GSTO2: variants seen among roughly 807,000 people sequenced by gnomAD.
The protein encoded by GSTO2 is glutathione S-transferase omega-2.
A neutral mutation model predicts 28.4 loss-of-function variants in GSTO2; 23 were observed. The observed-to-expected ratio is 0.81, with a 90% confidence interval of 0.58 to 1.15. The LOEUF (loss-of-function observed/expected upper bound fraction) is 1.15. Ranked by LOEUF, GSTO2 falls within the 50% of genes most tolerant of loss-of-function variation. The pLI, the probability that GSTO2 is intolerant of heterozygous loss-of-function variation, is 0.00. For missense variants in GSTO2, 298 were observed against 297.8 expected (o/e 1.00, Z 0.00); for synonymous variants, 109 against 111.0 (o/e 0.98, Z 0.11).
intron 5 of GSTO2, chr10:104,285,925 A>G: frequency 5.8e-6 from 2 of 347,694 alleles, no homozygotes; most frequent in South Asian, 4.4e-5. Flanking sequence ...TTCTCCTTTG[A>G]TATCACCAGG....
In GSTO2 at chr10:104,300,742, T is replaced by A. The variant is rs1417332268; in HGVS notation, c.*1458T>A. 6.6e-6 allele frequency: 1 copy of A among 152,332 alleles called. No individual in the cohort carries two copies. The highest frequency in any genetic ancestry group is 1.5e-5 in the Non-Finnish European group (1 of 68,114). 9.4% of individuals were successfully genotyped at this position (152,332 alleles called of 1,614,324 possible). The stretch of plus-strand genomic sequence containing the variant: ...CTGGATCCTTTCCCATCCTCCTAGC[T>A]GTGCTGAGACACCAGGCAGCAACAG... On this transcript the variant is annotated 3_prime_UTR_variant, in exon 7 of 7. Transcript: ENST00000338595.
chr10:104,285,900 A>G (rs1028106223), intron 5 of GSTO2: 75 of 304,304 alleles, frequency 2.5e-4, no homozygotes, highest in Non-Finnish European at 4.4e-4. Context: ...AATTATTTAT[A>G]TATTGTTTAA....
intron 3 of GSTO2, among the ~76,000 whole-genome samples, chr10:104,276,258 A>G (rs894405079): frequency 2.0e-5 from 3 of 152,248 alleles, no homozygotes. Flanking sequence ...CTGTATTTCC[A>G]CATTCTTCCC....
intron 2 of GSTO2, 114 bp downstream of exon 2, chr10:104,275,063 G>C (rs1564842679): frequency 6.7e-7 from 1 of 1,493,280 alleles, no homozygotes; most frequent in Non-Finnish European, 8.9e-7. Context: ...AAGGGACTTG[G>C]AGGGCTCTCC....
At chr10:104,276,206 T>C (rs1448005239) in intron 3 of GSTO2, among the ~76,000 whole-genome samples, 1 of 152,236 alleles carries the variant, frequency 6.6e-6, no homozygotes, top group East Asian at 1.9e-4. Flanking sequence ...AGAGATGTTT[T>C]AAATAAAATT....
At chr10:104,296,246 T>C (rs1051913484) in intron 5 of GSTO2, 4 of 152,086 alleles carry the variant, frequency 2.6e-5, no homozygotes, top group Non-Finnish European at 5.9e-5. Context: ...GAAATTTTAT[T>C]TTAATGCATT....
intron 5 of GSTO2, among the ~76,000 whole-genome samples, chr10:104,286,530 G>C (rs2012432859): frequency 6.6e-6 from 1 of 152,200 alleles, no homozygotes; most frequent in South Asian, 2.1e-4. Context: ...TGAACACCAT[G>C]CAGGTTTTTG....
intron 5 of GSTO2, among the ~76,000 whole-genome samples, chr10:104,279,982 G>A (rs2011921926): frequency 6.6e-6 from 1 of 151,902 alleles, no homozygotes; most frequent in African/African-American, 2.4e-5. Context: ...AGGCAACATA[G>A]CAAGACCCCT....
chr10:104,282,954 G>A (rs1263878386), intron 5 of GSTO2, among the ~76,000 whole-genome samples: 2 of 152,206 alleles, frequency 1.3e-5, no homozygotes, highest in African/African-American at 2.4e-5. Flanking sequence ...CATTAGTGGG[G>A]TGGTGATAAA....
chr10:104,280,065 C>T (rs1564845632), intron 5 of GSTO2, among the ~76,000 whole-genome samples: 1 of 147,340 alleles, frequency 6.8e-6, no homozygotes. Context: ...ACTTAGGAGG[C>T]TGAGGCAGGA....
At chr10:104,277,007 C>T (rs1459993421) in intron 3 of GSTO2, among the ~76,000 whole-genome samples, 2 of 152,168 alleles carry the variant, frequency 1.3e-5, no homozygotes, top group South Asian at 2.1e-4. Context: ...ACACTTTATA[C>T]ATATCCCCAC....
chr10:104,282,421 G>A (rs1017430755), intron 5 of GSTO2, among the ~76,000 whole-genome samples: 4 of 151,718 alleles, frequency 2.6e-5, no homozygotes, highest in African/African-American at 9.7e-5. Context: ...TGGCATGGTG[G>A]CTTATGCCTG....
In GSTO2 at chr10:104,303,295, A is replaced by ACCTCAT. The variant is rs1323173524; in HGVS notation, c.*4011_*4012insCCTCAT. The ACCTCAT allele has an allele frequency of 6.6e-6, 1 of 152,250 alleles. No homozygotes were observed. The highest frequency in any genetic ancestry group is 1.5e-5 in the Non-Finnish European group (1 of 68,038). The allele number at this position is 152,250 out of a possible 1,614,324, so 9.4% of individuals were successfully genotyped here. A position where few individuals can be genotyped will look rare whatever the true frequency, so the allele number is the denominator to read the frequency against. On this transcript the variant is annotated 3_prime_UTR_variant, in exon 7 of 7. Coordinates refer to ENST00000338595, the MANE Select transcript of GSTO2 (RefSeq NM_183239.2). ...CCAAAATGCCAGTAGTGATATGGAC[A>ACCTCAT]GTGAAGGCCAGGCTGAGGAGGTGAT... is the stretch of plus-strand genomic sequence containing the variant.
chr10:104,283,110 A>G (rs1048019143), intron 5 of GSTO2, among the ~76,000 whole-genome samples: 13 of 152,228 alleles, frequency 8.5e-5, no homozygotes, highest in Non-Finnish European at 1.9e-4. Flanking sequence ...AGAGCTGGCA[A>G]AAGATGTGGG....
In GSTO2 at chr10:104,274,930, G is replaced by T. The variant is rs776318510; in HGVS notation, c.15G>T (p.Ala5=). MSGD[A]TRTLGKGSQP... is the part of the protein sequence containing the mutation. ...ACCTGGAGACCATGTCTGGGGATGC[G>T]ACCAGGACCCTGGGGAAAGGTGAGT... The change falls in exon 2 of 7, where the codon GCG becomes GCT. Residue 5 remains alanine, a synonymous_variant. Coordinates refer to ENST00000338595, the MANE Select transcript of GSTO2 (RefSeq NM_183239.2). 11 of 1,607,124 alleles carry T rather than the reference G, an allele frequency of 6.8e-6. No homozygotes were observed. The highest frequency in any genetic ancestry group is 8.5e-6 in the Non-Finnish European group (10 of 1,177,782).
intron 5 of GSTO2, among the ~76,000 whole-genome samples, chr10:104,289,880 A>C (rs2012671804): frequency 6.6e-6 from 1 of 152,232 alleles, no homozygotes; most frequent in Non-Finnish European, 1.5e-5. Flanking sequence ...AACTACAATG[A>C]GATATCATCT....
chr10:104,297,836 CAT>C (rs1453409558), intron 6 of GSTO2, 152 bp downstream of exon 6: 4 of 570,546 alleles, frequency 7.0e-6, no homozygotes, highest in South Asian at 2.2e-5. Context: ...TTGTTAAAAA[CAT>C]ATGTGCTTTT....
chr10:104,271,355 G>A (rs2011393727), intron 1 of GSTO2, among the ~76,000 whole-genome samples: 1 of 152,218 alleles, frequency 6.6e-6, no homozygotes, highest in East Asian at 1.9e-4. Flanking sequence ...AAATTGGAAT[G>A]CACTCTGCTA....
chr10:104,278,005 A>C lies in GSTO2; in HGVS notation c.255A>C (p.Glu85Asp). Reference protein sequence around the residue: ...LETSQCQLIYESVIACEYLDD... With the variant: ...LETSQCQLIYDSVIACEYLDD... ...CCAGCCAATGTCAACTGATCTATGA[A>C]TCTGTTATTGCTTGTGAGTACCTGG... The change falls in exon 4 of 7, where the codon GAA becomes GAC. Residue 85 changes from glutamate (E) to aspartate (D), a missense_variant. Coordinates refer to ENST00000338595, the MANE Select transcript of GSTO2 (RefSeq NM_183239.2). The C allele has an allele frequency of 6.2e-7, 1 of 1,614,058 alleles. No individual in the cohort carries two copies. The highest frequency in any genetic ancestry group is 2.2e-5 in the East Asian group (1 of 44,874).
Sources: gnomAD v4.1 joint callset for allele counts (sites outside exome capture counted in the v4.1 genomes callset) on GRCh38, gnomAD v4.1.1 for gene constraint, MANE v1.5 for transcripts, NCBI Gene and HGNC (gene_info 2026-07-23, HGNC 2026-07-21) for gene names.